Variants in CLSTN2 observed in about 807,000 individuals in gnomAD.
CLSTN2 encodes calsyntenin-2.
A neutral mutation model predicts 101.2 loss-of-function variants in CLSTN2; 48 were observed. The ratio of observed to expected loss-of-function variants is 0.47; its 90% CI spans 0.38 to 0.60. CLSTN2 has a LOEUF of 0.60. Ranked by LOEUF, CLSTN2 falls within the 20% of genes least tolerant of loss-of-function variation. The pLI is 0.00. For synonymous variants in CLSTN2, 481 were observed against 463.6 expected (o/e 1.04, Z -0.48); for missense variants, 1,160 against 1,238.2 (o/e 0.94, Z 0.95).
intron 1 of CLSTN2, among the ~76,000 whole-genome samples, chr3:139,995,712 G>T (rs1157204616): frequency 6.6e-6 from 1 of 152,042 alleles, no homozygotes; most frequent in Non-Finnish European, 1.5e-5. Flanking sequence ...GGATTAAGGG[G>T]CCGCAGATCT....
intron 1 of CLSTN2, among the ~76,000 whole-genome samples, chr3:140,001,976 G>C (rs548071785): frequency 1.3e-5 from 2 of 152,254 alleles, no homozygotes; most frequent in East Asian, 3.9e-4. Context: ...TGGCAGAATA[G>C]TGCTCCATTG....
intron 1 of CLSTN2, among the ~76,000 whole-genome samples, chr3:140,071,835 AT>A (rs1303588454): frequency 1.1e-5 from 1 of 88,366 alleles, no homozygotes; most frequent in African/African-American, 3.6e-5. Flanking sequence ...CGTCTAAAAA[AT>A]AAATAAATAA....
chr3:140,332,566 A>G (rs1323541524), intron 2 of CLSTN2, among the ~76,000 whole-genome samples: 1 of 152,132 alleles, frequency 6.6e-6, no homozygotes, highest in African/African-American at 2.4e-5. Context: ...TAATGAGTGG[A>G]CGAGAAATGT....
Position 140,546,660 on chromosome 3 carries a change from A to T in CLSTN2, c.1653A>T (p.Glu551Asp). 6.2e-7 allele frequency: 1 copy of T among 1,613,202 alleles called. No individual in the cohort carries two copies. ...AAGGGCTGGACATTAATTCCTTGGA[A>T]AGCCTTGGCCAAGGAATAAAGGTAA... is the stretch of plus-strand genomic sequence containing the variant. The part of the protein sequence containing the change: ...CKEGLDINSL[E>D]SLGQGIKYHF... The change falls in exon 10 of 17, where the codon GAA becomes GAT. Residue 551 changes from glutamate (E) to aspartate (D), a missense_variant. By Grantham distance (45) the Glu-to-Asp change is conservative. Transcript: ENST00000458420.
intron 8 of CLSTN2, among the ~76,000 whole-genome samples, chr3:140,512,388 G>C (rs1934832624): frequency 6.6e-6 from 1 of 152,120 alleles, no homozygotes. Context: ...TTTCCCCATT[G>C]CTTGTTTTTC....
chr3:140,465,757 C>T (rs1933683052), intron 7 of CLSTN2, among the ~76,000 whole-genome samples: 1 of 152,150 alleles, frequency 6.6e-6, no homozygotes, highest in South Asian at 2.1e-4. Context: ...CAACATCACC[C>T]AAGTTACAAC....
chr3:140,460,453 A>C (rs1863860), intron 7 of CLSTN2: 50,327 of 152,772 alleles, frequency 0.33, 8,519 homozygotes, highest in Admixed American at 0.39. Context: ...CTTCATAATC[A>C]TGAAGTGCTC....
At chr3:140,110,738 C>T (rs541016245) in intron 1 of CLSTN2, among the ~76,000 whole-genome samples, 1 of 152,148 alleles carries the variant, frequency 6.6e-6, no homozygotes, top group Non-Finnish European at 1.5e-5. Flanking sequence ...CTAACTCAGC[C>T]CTGGCTTCTC....
chr3:140,396,535 A>G (rs929894927), intron 2 of CLSTN2, among the ~76,000 whole-genome samples: 2 of 152,176 alleles, frequency 1.3e-5, no homozygotes, highest in Admixed American at 1.3e-4. Context: ...CCAATAACCA[A>G]TAACCCTATG....
rs930942052 is a variant in CLSTN2, at chr3:140,495,219, T to A, written c.1344+28488T>A. Among the ~76,000 whole-genome samples the A allele has an allele frequency of 5.3e-4, 80 of 152,188 alleles. 1 individual carries two copies. Among genetic ancestry groups the A allele is most frequent in the Non-Finnish European group, 2.4e-4 (16 of 68,030 alleles). ...TTGCATTTCTCTAATGACCAATCAG[T>A]GATGTTGAGCTTTCTGTAAATATGT... On this transcript the variant is annotated intron_variant, in intron 8 of 16. Coordinates refer to ENST00000458420, the MANE Select transcript of CLSTN2 (RefSeq NM_022131.3).
chr3:140,542,390 A>G (rs1935499353), intron 9 of CLSTN2, among the ~76,000 whole-genome samples: 1 of 151,660 alleles, frequency 6.6e-6, no homozygotes, highest in African/African-American at 2.4e-5. Flanking sequence ...CAGGAATCCA[A>G]AATCATGTTT....
At chr3:140,142,241 G>A (rs1363434557) in intron 1 of CLSTN2, among the ~76,000 whole-genome samples, 5 of 152,156 alleles carry the variant, frequency 3.3e-5, no homozygotes, top group African/African-American at 1.2e-4. Flanking sequence ...GGCAGGGCTC[G>A]TGGTTTCATT....
At chr3:140,399,089 C>T (rs1392649175) in intron 2 of CLSTN2, among the ~76,000 whole-genome samples, 1 of 152,220 alleles carries the variant, frequency 6.6e-6, no homozygotes, top group Non-Finnish European at 1.5e-5. Flanking sequence ...TTCCACGCAG[C>T]CCATGGCTAG....
At chr3:140,247,557 C>T (rs1029334151) in intron 2 of CLSTN2, among the ~76,000 whole-genome samples, 1 of 152,220 alleles carries the variant, frequency 6.6e-6, no homozygotes, top group Non-Finnish European at 1.5e-5. Context: ...GAGCAGGGAA[C>T]ATCTGGATCT....
chr3:140,562,838 A>T lies in CLSTN2; in HGVS notation c.2240A>T (p.Gln747Leu). Residue 747 changes from glutamine (Q) to leucine (L), a missense_variant, in exon 14 of 17, where the codon CAG becomes CTG. Physicochemically the swap from Gln to Leu is moderately radical, Grantham distance 113 (BLOSUM62 -2). Coordinates refer to ENST00000458420, the MANE Select transcript of CLSTN2 (RefSeq NM_022131.3). ...GTGGGCTCCATGAGCCGCTATGAGCAGGTGCTACATCACATCCGCTACCGC... is the reference window on the plus strand; with the variant it reads ...GTGGGCTCCATGAGCCGCTATGAGCTGGTGCTACATCACATCCGCTACCGC... ...YGVGSMSRYEQVLHHIRYRNW... is the reference protein window; with the variant it reads ...YGVGSMSRYELVLHHIRYRNW... The T allele has an allele frequency of 6.2e-7, 1 of 1,614,068 alleles. No homozygotes were observed. Among genetic ancestry groups the T allele is most frequent in the Non-Finnish European group, 8.5e-7 (1 of 1,180,006 alleles).
chr3:140,466,692 C>T lies in CLSTN2; in HGVS notation c.1305C>T (p.Asp435=), dbSNP rs748961678. The part of the protein sequence containing the change: ...FLLRKDFDQA[D]TFRPAEFHWK... ...TGCGGAAGGACTTCGACCAGGCTGA[C>T]ACCTTTCGCCCCGCGGAGTTCCACT... The change falls in exon 8 of 17, where the codon GAC becomes GAT. Residue 435 remains aspartate (D), a synonymous_variant. Coordinates refer to ENST00000458420, the MANE Select transcript of CLSTN2 (RefSeq NM_022131.3). 3 of 1,614,180 alleles carry T rather than the reference C, an allele frequency of 1.9e-6. No individual in the cohort carries two copies. The highest frequency in any genetic ancestry group is 2.5e-6 in the Non-Finnish European group (3 of 1,180,024).
At chr3:140,309,658 G>A (rs190829954) in intron 2 of CLSTN2, among the ~76,000 whole-genome samples, 6 of 152,184 alleles carry the variant, frequency 3.9e-5, no homozygotes, top group Admixed American at 3.9e-4. Flanking sequence ...CTATGCAGGG[G>A]CTTCAGGTCA....
At chr3:140,089,115 G>A (rs2008727422) in intron 1 of CLSTN2, among the ~76,000 whole-genome samples, 1 of 152,148 alleles carries the variant, frequency 6.6e-6, no homozygotes, top group Admixed American at 6.5e-5. Context: ...TAGCTTAGAG[G>A]CTGCTCATGT....
chr3:140,356,262 A>G (rs931832516), intron 2 of CLSTN2, among the ~76,000 whole-genome samples: 2 of 152,230 alleles, frequency 1.3e-5, no homozygotes, highest in African/African-American at 4.8e-5. Flanking sequence ...AGCAGAAAGC[A>G]GAACGTGTGC....
Sources: allele counts gnomAD v4.1 joint callset (sites outside exome capture counted in the v4.1 genomes callset), GRCh38; gene constraint gnomAD v4.1.1; transcripts MANE v1.5; gene names NCBI Gene and HGNC (gene_info 2026-07-23, HGNC 2026-07-21).